TBXAS1: variants seen among roughly 807,000 people sequenced by gnomAD.
TBXAS1 encodes the protein thromboxane A synthase 1, also known as thromboxane-A synthase.
TBXAS1 carries 48 observed loss-of-function variants against 60.7 expected under a neutral mutation model. The ratio of observed to expected loss-of-function variants is 0.79; its 90% confidence interval spans 0.63 to 1.01. The LOEUF (loss-of-function observed/expected upper bound fraction) is 1.01. Among genes scored for constraint, TBXAS1 ranks in the 50% least tolerant of loss-of-function variants. The pLI is 0.00. For synonymous variants in TBXAS1, 287 were observed against 269.7 expected, an observed-to-expected ratio of 1.06 and a Z score of -0.63; for missense variants, 685 against 686.3, an observed-to-expected ratio of 1.00 and a Z score of 0.02.
At chr7:139,864,456 G>A (rs1467907215) in intron 1 of TBXAS1, among the ~76,000 whole-genome samples, 2 of 152,044 alleles carry the variant, frequency 1.3e-5, no homozygotes, top group Non-Finnish European at 2.9e-5. Flanking sequence ...TACATTTAAT[G>A]CAATTCCAGA....
chr7:139,980,356 A>C (rs942730853), intron 9 of TBXAS1, among the ~76,000 whole-genome samples: 2 of 152,142 alleles, frequency 1.3e-5, no homozygotes, highest in African/African-American at 4.8e-5. Context: ...ATGAGTTGAG[A>C]ATCAATGCGA....
chr7:139,842,861 A>G (rs1799553601), intron 1 of TBXAS1, among the ~76,000 whole-genome samples: 2 of 152,140 alleles, frequency 1.3e-5, no homozygotes, highest in African/African-American at 4.8e-5. Flanking sequence ...CCTCAACACA[A>G]TCTCAGAAAG....
At chr7:139,962,409 T>C in intron 9 of TBXAS1, 176 bp downstream of exon 9, 1 of 751,792 alleles carries the variant, frequency 1.3e-6, no homozygotes, top group Non-Finnish European at 2.2e-6. Context: ...CGAAATGAAA[T>C]GTTGAGAACA....
rs1055240604 is a variant in TBXAS1 at position 139,852,742 on chromosome 7, C to T, written c.90-19493C>T. On this transcript the variant is annotated intron_variant, in intron 1 of 12. Transcript: ENST00000448866. This position sits in a 1 kb window ranked among gnomAD's most constrained non-coding sequence, Gnocchi z 4.4. ...GCTCAAAGGCAAAATTGGTATTTCC[C>T]AGGCCTTTTGGACGGGTCATAGTGC... is the stretch of plus-strand genomic sequence containing the variant. 1.3e-5 allele frequency among the ~76,000 whole-genome samples: 2 copies of T among 152,086 alleles called. No individual in the cohort carries two copies. Among genetic ancestry groups the T allele is most frequent in the Admixed American group, 1.3e-4 (2 of 15,260 alleles).
upstream of TBXAS1, among the ~76,000 whole-genome samples, chr7:139,828,082 C>T (rs879734090): frequency 7.9e-5 from 12 of 152,274 alleles, no homozygotes; most frequent in African/African-American, 2.9e-4. Context: ...GTTTTCCAAG[C>T]TTTTAGAATT....
chr7:139,919,942 G>T (rs1186182925), intron 4 of TBXAS1, among the ~76,000 whole-genome samples: 1 of 152,214 alleles, frequency 6.6e-6, no homozygotes, highest in African/African-American at 2.4e-5. Flanking sequence ...TCTTTGTCTT[G>T]ATAGTTCCAG....
intron 1 of TBXAS1, among the ~76,000 whole-genome samples, chr7:139,863,513 T>G (rs921397767): frequency 6.6e-6 from 1 of 152,200 alleles, no homozygotes; most frequent in Admixed American, 6.5e-5. Context: ...TCTGTTCTCC[T>G]GAGGTTTGCA....
chr7:139,940,296 C>T (rs1172587355), intron 5 of TBXAS1, among the ~76,000 whole-genome samples: 1 of 152,118 alleles, frequency 6.6e-6, no homozygotes, highest in South Asian at 2.1e-4. Context: ...TCCCCAAAAC[C>T]TCCTGGTTTC....
chr7:139,925,296 T>C (rs1189808675), intron 4 of TBXAS1, among the ~76,000 whole-genome samples: 1 of 152,084 alleles, frequency 6.6e-6, no homozygotes, highest in East Asian at 1.9e-4. Flanking sequence ...TATCTTTCCA[T>C]TTTTTTTGTA....
At chr7:139,933,587 AG>A (rs1252413014) in intron 4 of TBXAS1, among the ~76,000 whole-genome samples, 1 of 152,218 alleles carries the variant, frequency 6.6e-6, no homozygotes, top group African/African-American at 2.4e-5. Context: ...ATTCCTCTGC[AG>A]AAAAAAATAT....
At chr7:139,927,210 C>A (rs1444986050) in intron 4 of TBXAS1, among the ~76,000 whole-genome samples, 1 of 150,444 alleles carries the variant, frequency 6.6e-6, no homozygotes, top group Admixed American at 6.6e-5. Flanking sequence ...GTTAGCCAGG[C>A]TGGTCTCAAA....
chr7:139,829,622 T>C, intron 1 of TBXAS1, 143 bp downstream of exon 1: 2 of 787,226 alleles, frequency 2.5e-6, no homozygotes, highest in East Asian at 2.7e-5. Flanking sequence ...GCTTCAGAAT[T>C]AAAAGCAAAC....
At chr7:139,829,535 C>T (rs2116476772) in intron 1 of TBXAS1, 56 bp downstream of exon 1, 2 of 1,530,492 alleles carry the variant, frequency 1.3e-6, no homozygotes, top group Non-Finnish European at 1.8e-6. Context: ...ACCCTGGAGC[C>T]TTGCTGGTGC....
chr7:139,946,495 TAGC>T (rs1261118798), intron 5 of TBXAS1, among the ~76,000 whole-genome samples: 2 of 152,168 alleles, frequency 1.3e-5, no homozygotes, highest in African/African-American at 4.8e-5. Flanking sequence ...AGGTGACAAG[TAGC>T]AACACCTGAA....
At chr7:139,871,759 AG>A (rs1801840653) in intron 1 of TBXAS1, among the ~76,000 whole-genome samples, 1 of 152,182 alleles carries the variant, frequency 6.6e-6, no homozygotes, top group Admixed American at 6.6e-5. Flanking sequence ...GAATGTGATG[AG>A]GGACAAATTA....
chr7:139,856,160 A>G (rs1369039004), intron 1 of TBXAS1, among the ~76,000 whole-genome samples: 1 of 152,244 alleles, frequency 6.6e-6, no homozygotes, highest in Non-Finnish European at 1.5e-5. Context: ...GGGGAGGCCC[A>G]GTCTACTAAT....
intron 3 of TBXAS1, among the ~76,000 whole-genome samples, chr7:139,907,204 T>G (rs980596125): frequency 7.2e-5 from 11 of 152,188 alleles, no homozygotes; most frequent in Admixed American, 7.2e-4. Flanking sequence ...GTTGAGGAAC[T>G]CCTCTCTATT....
chr7:139,806,752 C>T (rs1797888344), intron 4 of TBXAS1, among the ~76,000 whole-genome samples: 1 of 152,104 alleles, frequency 6.6e-6, no homozygotes, highest in Admixed American at 6.5e-5. Context: ...CCCTCCCCAT[C>T]CTCCCTCTCA....
chr7:140,006,343 A>G (rs1814076049), intron 9 of TBXAS1, among the ~76,000 whole-genome samples: 1 of 152,094 alleles, frequency 6.6e-6, no homozygotes, highest in African/African-American at 2.4e-5. Context: ...GGAGCCAGGG[A>G]GTGACAGACT....
Sources: allele counts gnomAD v4.1 joint callset (sites outside exome capture counted in the v4.1 genomes callset), GRCh38; gene constraint gnomAD v4.1.1; non-coding constraint Gnocchi (gnomAD v3.1); transcripts MANE v1.5; gene names NCBI Gene and HGNC (gene_info 2026-07-23, HGNC 2026-07-21).